Variants in ERC1 observed in about 807,000 individuals in gnomAD.
ERC1 encodes the protein ELKS/RAB6-interacting/CAST family member 1.
A neutral mutation model predicts 132.0 loss-of-function variants in ERC1; 56 were observed. That is an observed-to-expected ratio of 0.42 (90% confidence interval 0.34 to 0.53). The LOEUF (loss-of-function observed/expected upper bound fraction) is 0.53. Among genes scored for constraint, ERC1 ranks in the 20% least tolerant of loss-of-function variants. The probability of loss-of-function intolerance (pLI) is 0.03; values close to 1 mark genes in which losing one functional copy is unlikely to be tolerated. For synonymous variants in ERC1, 478 were observed against 476.1 expected, an observed-to-expected ratio of 1.00 and a Z score of -0.05; for missense variants, 1,202 against 1,349.9, an observed-to-expected ratio of 0.89 and a Z score of 1.72.
chr12:1,363,310 T>G (rs1159972765), intron 15 of ERC1, among the ~76,000 whole-genome samples: 2 of 152,164 alleles, frequency 1.3e-5, no homozygotes, highest in African/African-American at 4.8e-5. Flanking sequence ...TCTTCTAAAC[T>G]TGCCATAATC....
intron 1 of ERC1, among the ~76,000 whole-genome samples, chr12:1,001,853 CTTTTT>C (rs869097939): frequency 1.8e-5 from 2 of 109,134 alleles, no homozygotes; most frequent in Non-Finnish European, 3.6e-5. Context: ...CTTGTAAAGT[CTTTTT>C]TTTTTTTTTT....
At chr12:1,306,579 C>T (rs2080899971) in intron 15 of ERC1, among the ~76,000 whole-genome samples, 1 of 152,158 alleles carries the variant, frequency 6.6e-6, no homozygotes, top group Non-Finnish European at 1.5e-5. Flanking sequence ...CAATTTAAGA[C>T]ATCGGGAGAT....
intron 2 of ERC1, among the ~76,000 whole-genome samples, chr12:1,055,627 T>C (rs1161190142): frequency 6.6e-6 from 1 of 152,244 alleles, no homozygotes; most frequent in Non-Finnish European, 1.5e-5. Context: ...GGGAAATACA[T>C]GTATATATAG....
upstream of ERC1, chr12:991,152 GCGCTGCGC>G (rs1959187675): frequency 6.6e-6 from 1 of 151,562 alleles, no homozygotes; most frequent in Non-Finnish European, 1.5e-5. Context: ...CCGGGGAGGC[GCGCTGCGC>G]CCCGCGGCGG....
chr12:1,350,737 C>T (rs572913634), intron 15 of ERC1, among the ~76,000 whole-genome samples: 12 of 152,130 alleles, frequency 7.9e-5, no homozygotes, highest in Non-Finnish European at 1.5e-4. Flanking sequence ...ATATCTGCGC[C>T]TGGATAATTT....
chr12:999,706 C>G (rs1456693533), intron 1 of ERC1, among the ~76,000 whole-genome samples: 1 of 151,274 alleles, frequency 6.6e-6, no homozygotes, highest in East Asian at 1.9e-4. Flanking sequence ...AACGATTCCC[C>G]TGCCTCAGCC....
intron 2 of ERC1, among the ~76,000 whole-genome samples, chr12:1,076,620 C>G (rs1429020081): frequency 1.3e-5 from 2 of 152,068 alleles, no homozygotes; most frequent in Non-Finnish European, 2.9e-5. Flanking sequence ...ATCTTGAACT[C>G]CTGACCTTGT....
chr12:1,055,730 C>T (rs1972832563), intron 2 of ERC1, among the ~76,000 whole-genome samples: 2 of 152,222 alleles, frequency 1.3e-5, no homozygotes, highest in African/African-American at 4.8e-5. Context: ...GGTTCTGCCA[C>T]TTCAACTGAC....
chr12:1,061,710 T>TCC (rs35224331), intron 2 of ERC1, among the ~76,000 whole-genome samples: 111 of 150,960 alleles, frequency 7.4e-4, no homozygotes, highest in African/African-American at 2.3e-3. Context: ...AATCTCTCTC[T>TCC]CCCCCCCCAT....
chr12:1,329,006 C>G (rs1342006728), intron 15 of ERC1, among the ~76,000 whole-genome samples: 3 of 139,928 alleles, frequency 2.1e-5, no homozygotes, highest in African/African-American at 8.2e-5. Context: ...AAAAAAAAGC[C>G]TTAGCGACCA....
intron 1 of ERC1, among the ~76,000 whole-genome samples, chr12:1,026,797 T>C (rs892153534): frequency 6.6e-6 from 1 of 152,260 alleles, no homozygotes; most frequent in Non-Finnish European, 1.5e-5. Context: ...TTGAGGGCTG[T>C]CTTCCTTCCT....
intron 12 of ERC1, chr12:1,204,618 T>C: frequency 3.0e-6 from 3 of 1,007,526 alleles, no homozygotes; most frequent in Non-Finnish European, 3.0e-6. Context: ...GAGGGATATC[T>C]AGAAATCTAG....
At chr12:1,168,977 A>G (rs564385938) in intron 8 of ERC1, among the ~76,000 whole-genome samples, 1 of 152,294 alleles carries the variant, frequency 6.6e-6, no homozygotes, top group South Asian at 2.1e-4. Flanking sequence ...ACTTCTGATT[A>G]AAAACACCCA....
intron 8 of ERC1, among the ~76,000 whole-genome samples, chr12:1,144,110 C>G (rs1311831386): frequency 6.6e-6 from 1 of 152,184 alleles, no homozygotes; most frequent in Non-Finnish European, 1.5e-5. Context: ...TGATACTGGA[C>G]ATCTCCACAT....
chr12:1,020,231 T>C (rs551666256), intron 1 of ERC1, among the ~76,000 whole-genome samples: 43 of 152,284 alleles, frequency 2.8e-4, no homozygotes, highest in Middle Eastern at 3.4e-3. Flanking sequence ...CCAAGGCAGA[T>C]GGATCGCCTG....
intron 18 of ERC1, among the ~76,000 whole-genome samples, chr12:1,451,933 C>T (rs2093433539): frequency 6.6e-6 from 1 of 152,110 alleles, no homozygotes; most frequent in Admixed American, 6.5e-5. Flanking sequence ...AAGAGACACA[C>T]CAGGGTACAC....
rs1018422823 is a variant in ERC1, at chr12:1,010,016, A to G, written c.-156-17732A>G. Among the ~76,000 whole-genome samples the G allele has an allele frequency of 2.6e-5, 4 of 152,294 alleles. No homozygotes were observed. The South Asian group carries it at 6.2e-4, about 24-fold the overall frequency. On this transcript the variant is annotated intron_variant, in intron 1 of 18. Coordinates refer to ENST00000360905, the MANE Select transcript of ERC1 (RefSeq NM_178040.4). ...GAATTCTGCTTGAATCTCTTTGGATACTTCTAAATTTATGATTTCTCCAGG... is the reference window on the plus strand; with the variant it reads ...GAATTCTGCTTGAATCTCTTTGGATGCTTCTAAATTTATGATTTCTCCAGG...
At chr12:1,165,923 G>C (rs544490388) in intron 8 of ERC1, among the ~76,000 whole-genome samples, 4 of 152,260 alleles carry the variant, frequency 2.6e-5, no homozygotes, top group African/African-American at 9.6e-5. Flanking sequence ...ACTTCAGAAA[G>C]AAACTCACAC....
chr12:1,115,724 C>T (rs1946372215), intron 6 of ERC1, 142 bp from the exon 7 acceptor site: 2 of 669,468 alleles, frequency 3.0e-6, no homozygotes, highest in African/African-American at 1.8e-5. Flanking sequence ...AAGGTTATGT[C>T]ATGCAAAAAG....
Sources: gnomAD v4.1 joint callset for allele counts (sites outside exome capture counted in the v4.1 genomes callset) on GRCh38, gnomAD v4.1.1 for gene constraint, MANE v1.5 for transcripts, NCBI Gene and HGNC (gene_info 2026-07-23, HGNC 2026-07-21) for gene names.